GATAD2B: variants seen among roughly 807,000 people sequenced by gnomAD.
The protein encoded by GATAD2B is transcriptional repressor p66-beta.
In GATAD2B, 8 loss-of-function variants were observed where a neutral mutation model predicts 64.3. That is an observed-to-expected ratio of 0.12 (90% CI 0.07 to 0.22). The LOEUF (loss-of-function observed/expected upper bound fraction) is 0.22, where lower values mean the gene tolerates loss of function less well. GATAD2B is among the 10% of genes least tolerant of loss of function. The pLI is 1.00. For missense variants in GATAD2B, 453 were observed against 752.0 expected (o/e 0.60, Z 4.65); for synonymous variants, 281 against 271.3 (o/e 1.04, Z -0.35).
intron 1 of GATAD2B, among the ~76,000 whole-genome samples, chr1:153,893,483 C>T: frequency 6.6e-6 from 1 of 151,936 alleles, no homozygotes; most frequent in Non-Finnish European, 1.5e-5. Flanking sequence ...GTGGCACATG[C>T]CTGTAGTCCC....
Position 153,807,261 on chromosome 1 carries a change from G to A in GATAD2B, c.*2916C>T, listed in dbSNP as rs1044552123. The stretch of plus-strand genomic sequence containing the variant: ...GTCTTTCCTCCTGTCCTTAGGGCAT[G>A]AGGTTTAGTGTCTACACGGCCCAGA... On this transcript the variant is annotated 3_prime_UTR_variant, in exon 11 of 11. Coordinates refer to ENST00000368655, the MANE Select transcript of GATAD2B (RefSeq NM_020699.4). 1 of 152,158 alleles carries A rather than the reference G, an allele frequency of 6.6e-6. No homozygotes were observed. The highest frequency in any genetic ancestry group is 2.4e-5 in the African/African-American group (1 of 41,422). 9.4% of individuals were successfully genotyped at this position (152,158 alleles called of 1,614,324 possible). A position where few individuals can be genotyped will look rare whatever the true frequency, so the allele number is the denominator to read the frequency against.
At chr1:153,834,629 A>G (rs1240524011) in intron 1 of GATAD2B, among the ~76,000 whole-genome samples, 1 of 152,078 alleles carries the variant, frequency 6.6e-6, no homozygotes, top group Non-Finnish European at 1.5e-5. Flanking sequence ...ACCTCAGGTG[A>G]TCTGCCTGCC....
At chr1:153,880,201 G>T (rs891534746) in intron 1 of GATAD2B, among the ~76,000 whole-genome samples, 1 of 147,878 alleles carries the variant, frequency 6.8e-6, no homozygotes, top group Non-Finnish European at 1.5e-5. Flanking sequence ...AGTGGCTCAC[G>T]CCTGTAATTC....
At chr1:153,827,342 G>A (rs896655675) in intron 2 of GATAD2B, among the ~76,000 whole-genome samples, 4 of 151,768 alleles carry the variant, frequency 2.6e-5, no homozygotes, top group Non-Finnish European at 2.9e-5. Flanking sequence ...ACTGCACAGG[G>A]AGACTCAACC....
intron 1 of GATAD2B, among the ~76,000 whole-genome samples, chr1:153,877,973 T>C (rs1402202540): frequency 6.6e-6 from 1 of 151,956 alleles, no homozygotes; most frequent in Non-Finnish European, 1.5e-5. Context: ...ACCTAGCCTC[T>C]AGGTTGTAGC....
intron 1 of GATAD2B, chr1:153,898,914 G>T (rs921774196): frequency 1.3e-5 from 2 of 152,146 alleles, no homozygotes; most frequent in African/African-American, 4.8e-5. Context: ...AGCTGTGTTT[G>T]GCTCTCTGCC....
chr1:153,902,548 G>A (rs1000432053), intron 1 of GATAD2B, among the ~76,000 whole-genome samples: 5 of 152,056 alleles, frequency 3.3e-5, no homozygotes, highest in African/African-American at 9.6e-5. Flanking sequence ...TCAACCTCCC[G>A]GGCTCAAGGG....
chr1:153,847,873 T>G (rs919623479), intron 1 of GATAD2B, among the ~76,000 whole-genome samples: 2 of 152,352 alleles, frequency 1.3e-5, no homozygotes, highest in Admixed American at 1.3e-4. Context: ...GTGTTGGATA[T>G]ACTGTTTAAC....
intron 1 of GATAD2B, among the ~76,000 whole-genome samples, chr1:153,881,808 C>T (rs912415015): frequency 2.0e-5 from 3 of 149,948 alleles, no homozygotes; most frequent in Non-Finnish European, 4.4e-5. Context: ...TGTGGAGGGT[C>T]GTGTGTGTGT....
intron 1 of GATAD2B, among the ~76,000 whole-genome samples, chr1:153,861,781 CAAAAAA>C (rs869141712): frequency 1.2e-5 from 1 of 85,722 alleles, no homozygotes; most frequent in African/African-American, 4.3e-5. Context: ...GACTCCATTT[CAAAAAA>C]AAAAAAAAAT....
intron 1 of GATAD2B, among the ~76,000 whole-genome samples, chr1:153,866,218 A>T (rs1676471084): frequency 6.6e-6 from 1 of 152,068 alleles, no homozygotes; most frequent in African/African-American, 2.4e-5. Flanking sequence ...AAAAAAAAAA[A>T]AAAAAAATTC....
At chr1:153,892,163 C>CAAAAAAAAAA (rs900308080) in intron 1 of GATAD2B, among the ~76,000 whole-genome samples, 98 of 49,998 alleles carry the variant, frequency 2.0e-3, no homozygotes, top group Middle Eastern at 0.011. Flanking sequence ...GACTCCGTCT[C>CAAAAAAAAAA]AAAAAAAAAA....
chr1:153,873,990 T>A (rs978985017), intron 1 of GATAD2B, among the ~76,000 whole-genome samples: 24 of 152,066 alleles, frequency 1.6e-4, no homozygotes, highest in African/African-American at 5.1e-4. Flanking sequence ...CCGGGTGCGG[T>A]GGCTCATGCC....
chr1:153,878,735 C>T (rs1400913890), intron 1 of GATAD2B, among the ~76,000 whole-genome samples: 1 of 149,284 alleles, frequency 6.7e-6, no homozygotes, highest in Non-Finnish European at 1.5e-5. Flanking sequence ...AATAAACTCA[C>T]ATAAAACCAA....
At chr1:153,855,186 A>AT (rs1570962438) in intron 1 of GATAD2B, among the ~76,000 whole-genome samples, 1 of 150,634 alleles carries the variant, frequency 6.6e-6, no homozygotes, top group Non-Finnish European at 1.5e-5. Context: ...GATTGTCCGT[A>AT]TTTTTTTGAA....
chr1:153,859,662 T>G (rs1305446957), intron 1 of GATAD2B, among the ~76,000 whole-genome samples: 1 of 145,768 alleles, frequency 6.9e-6, no homozygotes, highest in Non-Finnish European at 1.5e-5. Context: ...AGAGTGAGAC[T>G]CCATCTCAAA....
chr1:153,904,292 AAAT>A (rs1677862926), intron 1 of GATAD2B, among the ~76,000 whole-genome samples: 2 of 148,132 alleles, frequency 1.4e-5, no homozygotes, highest in Non-Finnish European at 3.0e-5. Flanking sequence ...ATAAATAAAT[AAAT>A]AAATAAATAA....
At chr1:153,821,553 G>A (rs1227930229) in intron 2 of GATAD2B, among the ~76,000 whole-genome samples, 2 of 151,930 alleles carry the variant, frequency 1.3e-5, no homozygotes, top group African/African-American at 4.8e-5. Context: ...AGGAGTAACA[G>A]GCCTGAATAA....
In GATAD2B at chr1:153,865,356, G is replaced by C. The variant is rs147144675; in HGVS notation, c.-1-37008C>G. Among the ~76,000 whole-genome samples the C allele has an allele frequency of 3.3e-5, 5 of 152,122 alleles. No individual in the cohort carries two copies. In the East Asian group the frequency reaches 9.7e-4, roughly 29 times the overall value. ...CGTGCCTGTAGTCCCACCTACTTAA[G>C]AGGCTGAGGCAGGAGAATCGCTTGA... On this transcript the variant is annotated intron_variant, in intron 1 of 10. Transcript: ENST00000368655.
Sources: gnomAD v4.1 joint callset for allele counts (sites outside exome capture counted in the v4.1 genomes callset) on GRCh38, gnomAD v4.1.1 for gene constraint, MANE v1.5 for transcripts, NCBI Gene and HGNC (gene_info 2026-07-23, HGNC 2026-07-21) for gene names.